Variants in LRFN5 observed in about 807,000 individuals in gnomAD.
LRFN5 encodes the protein leucine rich repeat and fibronectin type III domain containing 5.
A neutral mutation model predicts 45.6 loss-of-function variants in LRFN5; 24 were observed. That is an observed-to-expected ratio of 0.53 (90% CI 0.38 to 0.74). The LOEUF is 0.74. LRFN5 is among the 30% of genes least tolerant of loss of function. The pLI, the probability that LRFN5 is intolerant of heterozygous loss-of-function variation, is 0.00. For synonymous variants in LRFN5, 340 were observed against 313.8 expected (o/e 1.08, Z -0.88); for missense variants, 776 against 861.5 (o/e 0.90, Z 1.24).
intron 2 of LRFN5, among the ~76,000 whole-genome samples, chr14:41,828,958 A>G (rs1162873857): frequency 6.6e-6 from 1 of 151,904 alleles, no homozygotes; most frequent in Non-Finnish European, 1.5e-5. Context: ...TATTACACAT[A>G]ATGTCTTTTC....
chr14:41,887,148 A>T lies in LRFN5; in HGVS notation c.523A>T (p.Thr175Ser). 1.2e-6 allele frequency: 2 copies of T among 1,614,052 alleles called. No individual in the cohort carries two copies. The highest frequency in any genetic ancestry group is 1.7e-6 in the Non-Finnish European group (2 of 1,180,006). Residue 175 changes from threonine to serine, a missense_variant, in exon 3 of 6, where the codon ACC becomes TCC. Coordinates refer to ENST00000298119, the MANE Select transcript of LRFN5 (RefSeq NM_152447.5). This position sits in a 1 kb window ranked among gnomAD's most constrained non-coding sequence, Gnocchi z 4.8. Reference protein sequence around the residue: ...DAVEKMVSLHTLSLDHNMIDN... With the variant: ...DAVEKMVSLHSLSLDHNMIDN... ...TGTTGAGAAGATGGTTAGCTTGCATACCCTTAGTTTGGATCACAATATGAT... is the reference window on the plus strand; with the variant it reads ...TGTTGAGAAGATGGTTAGCTTGCATTCCCTTAGTTTGGATCACAATATGAT...
rs562153036 is a variant in LRFN5 at position 41,789,622 on chromosome 14, C to G, written c.-21+22593C>G. 3.3e-5 allele frequency among the ~76,000 whole-genome samples: 5 copies of G among 152,058 alleles called. No individual in the cohort carries two copies. In the South Asian group the frequency reaches 1.0e-3, roughly 32 times the overall value. ...AAACTCCATTTACTGTTCTCCCAGA[C>G]CCAAGGGACTCTCAAAAAGTACACT... On this transcript the variant is annotated intron_variant, in intron 2 of 5. Coordinates refer to ENST00000298119, the MANE Select transcript of LRFN5 (RefSeq NM_152447.5).
chr14:41,674,932 G>C (rs919381465), intron 1 of LRFN5, among the ~76,000 whole-genome samples: 2 of 151,038 alleles, frequency 1.3e-5, no homozygotes, highest in African/African-American at 4.9e-5. Flanking sequence ...ACGGGGTCGC[G>C]GCCGGGTAGA....
chr14:41,843,592 G>T (rs1446206758), intron 2 of LRFN5, among the ~76,000 whole-genome samples: 1 of 151,978 alleles, frequency 6.6e-6, no homozygotes, highest in Non-Finnish European at 1.5e-5. Context: ...CAGTCTTTGT[G>T]TATGCTGAGA....
chr14:41,713,849 C>T (rs1479753257), intron 1 of LRFN5, among the ~76,000 whole-genome samples: 2 of 152,024 alleles, frequency 1.3e-5, no homozygotes, highest in Non-Finnish European at 2.9e-5. Flanking sequence ...CTTATAACTT[C>T]ATATATTCAG....
chr14:41,822,095 T>C (rs939262265), intron 2 of LRFN5, among the ~76,000 whole-genome samples: 5 of 152,140 alleles, frequency 3.3e-5, no homozygotes, highest in Middle Eastern at 6.8e-3. Flanking sequence ...AATTTGTTTA[T>C]CTTTTTAAGT....
chr14:41,746,940 A>C (rs1166659011), intron 1 of LRFN5, among the ~76,000 whole-genome samples: 2 of 151,970 alleles, frequency 1.3e-5, no homozygotes, highest in Non-Finnish European at 2.9e-5. Context: ...AAATTGAGAA[A>C]ATGATTCCAT....
At chr14:41,836,928 G>A (rs1888681678) in intron 2 of LRFN5, among the ~76,000 whole-genome samples, 1 of 152,076 alleles carries the variant, frequency 6.6e-6, no homozygotes, top group South Asian at 2.1e-4. Context: ...GAGGAGCAGT[G>A]TGTAGTCCCC....
chr14:41,861,296 G>C (rs1889650906), intron 2 of LRFN5, among the ~76,000 whole-genome samples: 1 of 151,934 alleles, frequency 6.6e-6, no homozygotes, highest in African/African-American at 2.4e-5. Context: ...CTCGATTATT[G>C]TTTCTTTGCT....
At chr14:41,773,537 G>A (rs188214915) in intron 2 of LRFN5, among the ~76,000 whole-genome samples, 4 of 152,132 alleles carry the variant, frequency 2.6e-5, no homozygotes, top group African/African-American at 4.8e-5. Context: ...CAGGCATAGA[G>A]CATTTTCCTC....
chr14:41,723,064 G>C (rs1883792873), intron 1 of LRFN5, among the ~76,000 whole-genome samples: 1 of 152,212 alleles, frequency 6.6e-6, no homozygotes, highest in African/African-American at 2.4e-5. Flanking sequence ...CCAGGAGAGT[G>C]AGTGCTCCAG....
chr14:41,759,486 CACACACACACACAG>C (rs780648380), intron 1 of LRFN5, among the ~76,000 whole-genome samples: 825 of 72,566 alleles, frequency 0.011, 11 homozygotes, highest in African/African-American at 0.044. Flanking sequence ...CACACACACA[CACACACACACACAG>C]AGAGAGCACC....
Position 41,844,236 on chromosome 14 carries a change from G to C in LRFN5, c.-20-42370G>C, listed in dbSNP as rs1305453920. On this transcript the variant is annotated intron_variant, in intron 2 of 5. Transcript: ENST00000298119. ...GCGGATCACGAGGTCAGGAGATCGA[G>C]ACCATCCTGGCTAACATGGTGAAAC... is the stretch of plus-strand genomic sequence containing the variant. 3.3e-5 allele frequency among the ~76,000 whole-genome samples: 5 copies of C among 152,064 alleles called. No individual in the cohort carries two copies. In the East Asian group the frequency reaches 5.8e-4, roughly 18 times the overall value.
chr14:41,724,493 C>A (rs567159179), intron 1 of LRFN5, among the ~76,000 whole-genome samples: 5 of 152,102 alleles, frequency 3.3e-5, no homozygotes, highest in African/African-American at 1.2e-4. Context: ...TAAAATGCTG[C>A]ACTGAAGACT....
chr14:41,784,278 T>A (rs1229333948), intron 2 of LRFN5, among the ~76,000 whole-genome samples: 2 of 152,132 alleles, frequency 1.3e-5, no homozygotes, highest in Non-Finnish European at 2.9e-5. Flanking sequence ...TATAACACAC[T>A]CATAATTAGC....
At chr14:41,781,647 G>T (rs1328642169) in intron 2 of LRFN5, among the ~76,000 whole-genome samples, 1 of 141,454 alleles carries the variant, frequency 7.1e-6, no homozygotes. Flanking sequence ...AAGAAAGAAA[G>T]AGAAAGAAAG....
intron 2 of LRFN5, among the ~76,000 whole-genome samples, chr14:41,785,560 G>A (rs567815206): frequency 5.9e-5 from 9 of 152,072 alleles, no homozygotes; most frequent in East Asian, 1.9e-4. Flanking sequence ...GACCGGTTTC[G>A]TGGAAGGTGA....
intron 2 of LRFN5, among the ~76,000 whole-genome samples, chr14:41,880,027 G>A (rs569587213): frequency 2.7e-5 from 4 of 147,024 alleles, no homozygotes; most frequent in South Asian, 2.2e-4. Context: ...TCCTGGGTTC[G>A]CGTCAGTCTC....
At chr14:41,793,367 C>T (rs1887003784) in intron 2 of LRFN5, among the ~76,000 whole-genome samples, 1 of 151,994 alleles carries the variant, frequency 6.6e-6, no homozygotes, top group African/African-American at 2.4e-5. Context: ...TACCAAAGTC[C>T]TATGTATAAT....
Sources: allele counts gnomAD v4.1 joint callset (sites outside exome capture counted in the v4.1 genomes callset), GRCh38; gene constraint gnomAD v4.1.1; non-coding constraint Gnocchi (gnomAD v3.1); transcripts MANE v1.5; gene names NCBI Gene and HGNC (gene_info 2026-07-23, HGNC 2026-07-21).